AHCYL1: variants seen among roughly 807,000 people sequenced by gnomAD.
AHCYL1 encodes S-adenosylhomocysteine hydrolase-like protein 1.
Under a neutral mutation model 79.3 loss-of-function variants are expected in AHCYL1, and 20 were observed. The ratio of observed to expected loss-of-function variants is 0.25; its 90% CI spans 0.18 to 0.37. The LOEUF is 0.37. Among genes scored for constraint, AHCYL1 ranks in the 10% least tolerant of loss-of-function variants. The pLI, the probability that AHCYL1 is intolerant of heterozygous loss-of-function variation, is 1.00. For missense variants in AHCYL1, 330 were observed against 673.6 expected, an observed-to-expected ratio of 0.49 and a Z score of 5.65; for synonymous variants, 223 against 242.2, an observed-to-expected ratio of 0.92 and a Z score of 0.74.
At chr1:109,996,367 T>G (rs1402476542) in intron 1 of AHCYL1, among the ~76,000 whole-genome samples, 1 of 152,246 alleles carries the variant, frequency 6.6e-6, no homozygotes, top group South Asian at 2.1e-4. Context: ...CCAGGAATCA[T>G]GTAGCCCCAT....
Position 110,011,317 on chromosome 1 carries a change from G to A in AHCYL1, c.336G>A (p.Gln112=). Residue 112 remains glutamine, a synonymous_variant, in exon 3 of 17, where the codon CAG becomes CAA. Coordinates refer to ENST00000369799, the MANE Select transcript of AHCYL1 (RefSeq NM_006621.7). ...ATTTCTGTGTGAAGAACATCAAGCA[G>A]GCAGAATTTGGACGCCGGGAGATTG... ...SSNFCVKNIK[Q]AEFGRREIEI... 1 of 1,614,106 alleles carries A rather than the reference G, an allele frequency of 6.2e-7. No homozygotes were observed.
intron 14 of AHCYL1, 72 bp downstream of exon 14, chr1:110,019,191 GTGTAC>G: frequency 7.1e-7 from 1 of 1,404,652 alleles, no homozygotes; most frequent in South Asian, 1.2e-5. Flanking sequence ...TCCAGTGAGG[GTGTAC>G]TGTACTATGT....
rs1650366339 is a variant in AHCYL1 at position 110,002,413 on chromosome 1, C to G, written c.121-6621C>G. 2.0e-5 allele frequency among the ~76,000 whole-genome samples: 3 copies of G among 152,218 alleles called. 1 individual carries two copies. The South Asian group carries it at 6.2e-4, about 31-fold the overall frequency. On this transcript the variant is annotated intron_variant, in intron 1 of 16. Coordinates refer to ENST00000369799, the MANE Select transcript of AHCYL1 (RefSeq NM_006621.7). ...AGAGCCAGCTTGAAGGAGGCTCCCACTGGCCCAATTTGAGACAATATGAGT... is the reference window on the plus strand; with the variant it reads ...AGAGCCAGCTTGAAGGAGGCTCCCAGTGGCCCAATTTGAGACAATATGAGT...
chr1:110,021,860 CT>C lies in AHCYL1; in HGVS notation c.*183del. 1.7e-6 allele frequency: 1 copy of C among 579,194 alleles called. No homozygotes were observed. Among genetic ancestry groups the C allele is most frequent in the Non-Finnish European group, 2.9e-6 (1 of 344,608 alleles). 35.9% of individuals were successfully genotyped at this position (579,194 alleles called of 1,614,324 possible). On this transcript the variant is annotated 3_prime_UTR_variant, in exon 17 of 17. Coordinates refer to ENST00000369799, the MANE Select transcript of AHCYL1 (RefSeq NM_006621.7). ...CCACACAGGAACTTGCTTCATGGCT[CT>C]TTAGATGAAATAGAAGTTCAGGGTT...
intron 1 of AHCYL1, 128 bp from the exon 2 acceptor site, chr1:110,008,906 A>G (rs1185593530): frequency 6.4e-6 from 4 of 622,264 alleles, no homozygotes; most frequent in Admixed American, 5.8e-5. Context: ...TCTGGTGGGA[A>G]AGTTGCTGGC....
At position 110,022,271 on chromosome 1, in the gene AHCYL1, A is replaced by C. The variant is rs1651851478; in HGVS notation, c.*591A>C. On this transcript the variant is annotated 3_prime_UTR_variant, in exon 17 of 17. Transcript: ENST00000369799. Reference sequence around the variant, plus strand: ...GGAGGCCCACTTGGATTTATAGTATAGCCCTTCCTCCACTCCCACCAGACT... The same window carrying C: ...GGAGGCCCACTTGGATTTATAGTATCGCCCTTCCTCCACTCCCACCAGACT... The C allele has an allele frequency of 6.6e-6, 1 of 152,142 alleles. No homozygotes were observed. Among genetic ancestry groups the C allele is most frequent in the Non-Finnish European group, 1.5e-5 (1 of 68,124 alleles). The allele number at this position is 152,142 out of a possible 1,614,324, so 9.4% of individuals were successfully genotyped here.
chr1:110,001,257 G>A (rs140223635), intron 1 of AHCYL1, among the ~76,000 whole-genome samples: 7,796 of 151,900 alleles, frequency 0.051, 288 homozygotes, highest in Middle Eastern at 0.085. Context: ...CATGATCTCA[G>A]CTCACTGCAA....
intron 1 of AHCYL1, among the ~76,000 whole-genome samples, chr1:110,001,894 CA>C (rs1650332634): frequency 6.6e-6 from 1 of 152,140 alleles, no homozygotes; most frequent in African/African-American, 2.4e-5. Flanking sequence ...ATTACTCAGT[CA>C]CACAGAAAAT....
At chr1:110,017,697 C>T (rs1651510079) in intron 10 of AHCYL1, 114 bp downstream of exon 10, 7 of 1,173,068 alleles carry the variant, frequency 6.0e-6, no homozygotes, top group South Asian at 4.2e-5. Flanking sequence ...GAAGAGAAGG[C>T]TAGGACTGCT....
chr1:110,023,325 G>A lies in AHCYL1; in HGVS notation c.*1645G>A, dbSNP rs907524314. On this transcript the variant is annotated 3_prime_UTR_variant, in exon 17 of 17. Coordinates refer to ENST00000369799, the MANE Select transcript of AHCYL1 (RefSeq NM_006621.7). Reference sequence around the variant, plus strand: ...CCCAATCCCTTCTTACTCCTTGCCAGTGTGACCATGCTTTCTTCTCTGTAG... The same window carrying A: ...CCCAATCCCTTCTTACTCCTTGCCAATGTGACCATGCTTTCTTCTCTGTAG... 6.6e-6 allele frequency: 1 copy of A among 152,538 alleles called. No individual in the cohort carries two copies. The highest frequency in any genetic ancestry group is 6.5e-5 in the Admixed American group (1 of 15,278). 9.4% of individuals were successfully genotyped at this position (152,538 alleles called of 1,614,324 possible). A position where few individuals can be genotyped will look rare whatever the true frequency, so the allele number is the denominator to read the frequency against.
chr1:110,022,854 T>C lies in AHCYL1; in HGVS notation c.*1174T>C, dbSNP rs931293205. 1 of 152,432 alleles carries C rather than the reference T, an allele frequency of 6.6e-6. No individual in the cohort carries two copies. 9.4% of individuals were successfully genotyped at this position (152,432 alleles called of 1,614,324 possible). A position where few individuals can be genotyped will look rare whatever the true frequency, so the allele number is the denominator to read the frequency against. ...TAATGTTAGTTTTACAGAAGTAATATGACTTTTGATTGCTACATACCACAA... is the reference window on the plus strand; with the variant it reads ...TAATGTTAGTTTTACAGAAGTAATACGACTTTTGATTGCTACATACCACAA... On this transcript the variant is annotated 3_prime_UTR_variant, in exon 17 of 17. Coordinates refer to ENST00000369799, the MANE Select transcript of AHCYL1 (RefSeq NM_006621.7).
In AHCYL1 at chr1:110,016,284, A is replaced by C. The variant is rs531897245; in HGVS notation, c.783-60A>C. 1.4e-5 allele frequency: 19 copies of C among 1,317,148 alleles called. No homozygotes were observed. The African/African-American group carries it at 1.9e-4, about 13-fold the overall frequency. 81.6% of individuals were successfully genotyped at this position (1,317,148 alleles called of 1,614,324 possible). A position where few individuals can be genotyped will look rare whatever the true frequency, so the allele number is the denominator to read the frequency against. ...AGAGAATTAGGCAGATTTTGCCACA[A>C]ATTATGTTGTGCCAGCTAACTTGGT... On this transcript the variant is annotated intron_variant, in intron 7 of 16. Coordinates refer to ENST00000369799, the MANE Select transcript of AHCYL1 (RefSeq NM_006621.7).
At chr1:109,996,347 TA>T (rs1650028502) in intron 1 of AHCYL1, among the ~76,000 whole-genome samples, 1 of 152,168 alleles carries the variant, frequency 6.6e-6, no homozygotes, top group African/African-American at 2.4e-5. Flanking sequence ...GTATTCAGAG[TA>T]AACCATGACC....
chr1:109,991,816 C>T (rs986698052), intron 1 of AHCYL1, among the ~76,000 whole-genome samples: 3 of 152,142 alleles, frequency 2.0e-5, no homozygotes, highest in African/African-American at 7.2e-5. Flanking sequence ...ATCTTTCATT[C>T]ACTTAGACTT....
Position 109,984,964 on chromosome 1 carries a change from C to T in AHCYL1, c.-89C>T. ...GGCAGGAGGGTGGGCGATCGCGTGT[C>T]GGAGGGCGCCGCGCGGGCAGGCGGG... is the stretch of plus-strand genomic sequence containing the variant. On this transcript the variant is annotated 5_prime_UTR_variant, in exon 1 of 17. Coordinates refer to ENST00000369799, the MANE Select transcript of AHCYL1 (RefSeq NM_006621.7). 7.4e-7 allele frequency: 1 copy of T among 1,360,470 alleles called. No homozygotes were observed. The highest frequency in any genetic ancestry group is 1.5e-5 in the African/African-American group (1 of 64,560). 84.3% of individuals were successfully genotyped at this position (1,360,470 alleles called of 1,614,324 possible).
rs910707304 is a variant in AHCYL1 at position 109,984,980 on chromosome 1, G to T, written c.-73G>T. 2.5e-5 allele frequency: 34 copies of T among 1,376,962 alleles called. No individual in the cohort carries two copies. Among genetic ancestry groups the T allele is most frequent in the Non-Finnish European group, 3.1e-5 (33 of 1,067,544 alleles). The allele number at this position is 1,376,962 out of a possible 1,614,324, so 85.3% of individuals were successfully genotyped here. A position where few individuals can be genotyped will look rare whatever the true frequency, so the allele number is the denominator to read the frequency against. On this transcript the variant is annotated 5_prime_UTR_variant, in exon 1 of 17. Coordinates refer to ENST00000369799, the MANE Select transcript of AHCYL1 (RefSeq NM_006621.7). ...ATCGCGTGTCGGAGGGCGCCGCGCG[G>T]GCAGGCGGGCGGGCGCCAGAGGGGG...
intron 4 of AHCYL1, 26 bp from the exon 5 acceptor site, chr1:110,012,871 C>T: frequency 6.3e-7 from 1 of 1,584,874 alleles, no homozygotes; most frequent in Non-Finnish European, 8.6e-7. Flanking sequence ...CTCTTCCTCA[C>T]CCTGTCTTCC....
In AHCYL1 at chr1:110,023,131, G is replaced by A. The variant is rs1055276310; in HGVS notation, c.*1451G>A. 6.6e-6 allele frequency: 1 copy of A among 152,570 alleles called. No individual in the cohort carries two copies. Among genetic ancestry groups the A allele is most frequent in the African/African-American group, 2.4e-5 (1 of 41,420 alleles). The allele number at this position is 152,570 out of a possible 1,614,324, so 9.5% of individuals were successfully genotyped here. ...TTCTAGCTTGTGATCCCTCAAAGTT[G>A]GGTCATACGTTAGTGCTAGATACTA... On this transcript the variant is annotated 3_prime_UTR_variant, in exon 17 of 17. Coordinates refer to ENST00000369799, the MANE Select transcript of AHCYL1 (RefSeq NM_006621.7).
chr1:110,011,495 ACTTCT>A, intron 3 of AHCYL1, 138 bp downstream of exon 3: 1 of 1,186,966 alleles, frequency 8.4e-7, no homozygotes, highest in Non-Finnish European at 1.2e-6. Flanking sequence ...TCGGATAAAC[ACTTCT>A]CTCTCTATGG....
Sources: allele counts gnomAD v4.1 joint callset (sites outside exome capture counted in the v4.1 genomes callset), GRCh38; gene constraint gnomAD v4.1.1; transcripts MANE v1.5; gene names NCBI Gene and HGNC (gene_info 2026-07-23, HGNC 2026-07-21).